Variants in SEMA6A observed in about 807,000 individuals in gnomAD.
The protein encoded by SEMA6A is semaphorin-6A.
In SEMA6A, 25 loss-of-function variants were observed where a neutral mutation model predicts 96.8. That is an observed-to-expected ratio of 0.26 (90% CI 0.19 to 0.36). The LOEUF (loss-of-function observed/expected upper bound fraction) is 0.36, where lower values mean the gene tolerates loss of function less well. Ranked by LOEUF, SEMA6A falls within the 10% of genes least tolerant of loss-of-function variation. The pLI is 1.00. For missense variants in SEMA6A, 1,363 were observed against 1,323.1 expected (o/e 1.03, Z -0.47); for synonymous variants, 612 against 518.0 (o/e 1.18, Z -2.46).
At chr5:116,534,100 C>T (rs1399739561) in intron 1 of SEMA6A, among the ~76,000 whole-genome samples, 1 of 152,144 alleles carries the variant, frequency 6.6e-6, no homozygotes, top group East Asian at 1.9e-4. Flanking sequence ...ACTTCCTAAC[C>T]TCTTATTCAT....
At chr5:116,472,707 G>T (rs1041844914) in intron 17 of SEMA6A, 8 of 518,236 alleles carry the variant, frequency 1.5e-5, no homozygotes, top group African/African-American at 1.4e-4. Context: ...CACATCAATT[G>T]TCTCACATAG....
Position 116,528,935 on chromosome 5 carries a change from A to G in SEMA6A, c.-38-23953T>C, listed in dbSNP as rs187760908. ...CTGTGTCACTTTGACTGTGAAACACATGAAAAAGACAAATGAGTTTTTCTC... is the reference window on the plus strand; with the variant it reads ...CTGTGTCACTTTGACTGTGAAACACGTGAAAAAGACAAATGAGTTTTTCTC... On this transcript the variant is annotated intron_variant, in intron 1 of 18. Transcript: ENST00000343348. Among the ~76,000 whole-genome samples, 51 of 152,296 alleles carry G rather than the reference A, an allele frequency of 3.3e-4. 1 individual carries two copies. In the East Asian group the frequency reaches 9.1e-3, roughly 27 times the overall value.
chr5:116,470,962 C>T (rs970312133), intron 17 of SEMA6A, among the ~76,000 whole-genome samples: 3 of 152,220 alleles, frequency 2.0e-5, no homozygotes, highest in Non-Finnish European at 2.9e-5. Flanking sequence ...AGTTGCTCAA[C>T]AAGTATTTGC....
chr5:116,505,800 C>T (rs1165073842), intron 1 of SEMA6A, among the ~76,000 whole-genome samples: 1 of 151,020 alleles, frequency 6.6e-6, no homozygotes, highest in Non-Finnish European at 1.5e-5. Flanking sequence ...ATTTTCTTGA[C>T]GAAGCTCTTT....
chr5:116,474,019 G>A (rs1192987619), intron 16 of SEMA6A, among the ~76,000 whole-genome samples: 1 of 152,162 alleles, frequency 6.6e-6, no homozygotes, highest in African/African-American at 2.4e-5. Context: ...TGGGACCTGA[G>A]AGCGTCCCCT....
At chr5:116,478,348 G>A (rs930554578) in intron 13 of SEMA6A, 194 bp from the exon 14 acceptor site, 2 of 761,982 alleles carry the variant, frequency 2.6e-6, no homozygotes, top group Non-Finnish European at 4.2e-6. Flanking sequence ...ACACATATAT[G>A]TATCTATATA....
intron 18 of SEMA6A, among the ~76,000 whole-genome samples, chr5:116,462,458 G>A (rs1399132176): frequency 2.0e-5 from 3 of 152,256 alleles, no homozygotes; most frequent in South Asian, 4.2e-4. Flanking sequence ...AATAACTAGC[G>A]GCAGACCACA....
chr5:116,505,482 C>T (rs1292164575), intron 1 of SEMA6A, among the ~76,000 whole-genome samples: 1 of 151,772 alleles, frequency 6.6e-6, no homozygotes, highest in African/African-American at 2.4e-5. Flanking sequence ...CACACACACA[C>T]ACATCTATAA....
At chr5:116,495,313 G>A (rs2112745642) in intron 6 of SEMA6A, 100 bp downstream of exon 6, 5 of 791,310 alleles carry the variant, frequency 6.3e-6, no homozygotes, top group East Asian at 2.7e-5. Context: ...AGGAACTCAG[G>A]TGGTGTTGAA....
rs1318316399 is a variant in SEMA6A at position 116,445,045 on chromosome 5, C to T, written c.*1568G>A. 6.5e-6 allele frequency: 1 copy of T among 152,706 alleles called. No individual in the cohort carries two copies. The highest frequency in any genetic ancestry group is 1.5e-5 in the Non-Finnish European group (1 of 68,064). The allele number at this position is 152,706 out of a possible 1,614,324, so 9.5% of individuals were successfully genotyped here. On this transcript the variant is annotated 3_prime_UTR_variant, in exon 19 of 19. Transcript: ENST00000343348. The stretch of plus-strand genomic sequence containing the variant: ...CAACACTGGGGTCCATGCTTCGCAG[C>T]ACAGCCAAAGGGTGGTTCCAGTTGG...
At chr5:116,560,418 A>T (rs1293553528) in intron 1 of SEMA6A, among the ~76,000 whole-genome samples, 3 of 151,938 alleles carry the variant, frequency 2.0e-5, no homozygotes, top group African/African-American at 7.3e-5. Context: ...TGCCAAGAGT[A>T]GGTGCTAAAT....
chr5:116,475,450 G>T, intron 16 of SEMA6A, 95 bp downstream of exon 16: 1 of 776,642 alleles, frequency 1.3e-6, no homozygotes, highest in Non-Finnish European at 2.1e-6. Flanking sequence ...TTTAGTGTCA[G>T]CTGCACTCAG....
At chr5:116,476,818 T>A (rs930127013) in intron 15 of SEMA6A, among the ~76,000 whole-genome samples, 3 of 152,226 alleles carry the variant, frequency 2.0e-5, no homozygotes, top group Non-Finnish European at 4.4e-5. Context: ...AGCATGTCAA[T>A]AATGCTACTT....
In SEMA6A at chr5:116,447,617, C is replaced by T; in HGVS notation, c.2089G>A (p.Gly697Ser). 4 of 1,614,026 alleles carry T rather than the reference C, an allele frequency of 2.5e-6. No individual in the cohort carries two copies. Among genetic ancestry groups the T allele is most frequent in the Non-Finnish European group, 2.5e-6 (3 of 1,179,890 alleles). ...KEKELTHSRR[G>S]SMSSVTKLSG... ...AGCTTGGTGACGCTGCTCATGGAGC[C>T]CCGGCGCGAGTGGGTGAGCTCCTTC... The change falls in exon 19 of 19, where the codon GGC (glycine) becomes AGC (serine). Residue 697 changes from glycine (G) to serine (S), a missense_variant. Gly to Ser is a moderately conservative substitution (Grantham distance 56). Transcript: ENST00000343348.
chr5:116,497,235 C>T, intron 4 of SEMA6A, 92 bp downstream of exon 4: 1 of 729,454 alleles, frequency 1.4e-6, no homozygotes, highest in Non-Finnish European at 2.3e-6. Context: ...TTATGATTAG[C>T]TACATCATCT....
chr5:116,469,503 A>G (rs994090463), intron 17 of SEMA6A: 4 of 152,224 alleles, frequency 2.6e-5, no homozygotes, highest in Non-Finnish European at 2.9e-5. Flanking sequence ...GGTCAGCCTA[A>G]GAGAAAATTC....
In SEMA6A at chr5:116,551,317, T is replaced by TACACACACACACACACACACAC. The variant is rs66523615; in HGVS notation, c.-39+22846_-39+22867dup. 6.3e-5 allele frequency among the ~76,000 whole-genome samples: 9 copies of TACACACACACACACACACACAC among 142,414 alleles called. No individual in the cohort carries two copies. In the East Asian group the frequency reaches 6.5e-4, roughly 10 times the overall value. 93.4% of individuals were successfully genotyped at this position (142,414 alleles called of 152,430 possible). A position where few individuals can be genotyped will look rare whatever the true frequency, so the allele number is the denominator to read the frequency against. ...TCAATTCTGCATGATAGTCTTAGCA[T>TACACACACACACACACACACAC]ACACACACACACACACACACACACA... is the stretch of plus-strand genomic sequence containing the variant. On this transcript the variant is annotated intron_variant, in intron 1 of 18. Transcript: ENST00000343348.
intron 1 of SEMA6A, among the ~76,000 whole-genome samples, chr5:116,527,052 A>G (rs1450792593): frequency 6.6e-6 from 1 of 152,172 alleles, no homozygotes; most frequent in East Asian, 1.9e-4. Flanking sequence ...TAGATATTTT[A>G]TTCAATTATA....
chr5:116,538,158 A>G (rs796137011), intron 1 of SEMA6A, among the ~76,000 whole-genome samples: 7 of 152,280 alleles, frequency 4.6e-5, no homozygotes, highest in African/African-American at 1.7e-4. Context: ...CTGGCTACAG[A>G]GCAAGACTCC....
Sources: allele counts gnomAD v4.1 joint callset (sites outside exome capture counted in the v4.1 genomes callset), GRCh38; gene constraint gnomAD v4.1.1; transcripts MANE v1.5; gene names NCBI Gene and HGNC (gene_info 2026-07-23, HGNC 2026-07-21).